Variants in CAMK2A observed in about 807,000 individuals in gnomAD.
CAMK2A encodes the protein calcium/calmodulin dependent protein kinase II alpha.
Under a neutral mutation model 79.2 loss-of-function variants are expected in CAMK2A, and 7 were observed. The observed-to-expected ratio is 0.09, with a 90% CI of 0.05 to 0.17. The LOEUF is 0.17. Among genes scored for constraint, CAMK2A ranks in the 10% least tolerant of loss-of-function variants. The pLI is 1.00. For missense variants in CAMK2A, 214 were observed against 646.4 expected (o/e 0.33, Z 7.25); for synonymous variants, 242 against 251.7 (o/e 0.96, Z 0.36).
At chr5:150,250,193 T>A (rs754793336) in intron 11 of CAMK2A, 33 bp downstream of exon 11, 1 of 1,528,548 alleles carries the variant, frequency 6.5e-7, no homozygotes, top group Non-Finnish European at 9.1e-7. Context: ...GCTAGTCCCA[T>A]GGCCAGGACT....
chr5:150,245,103 C>T, intron 13 of CAMK2A, 58 bp downstream of exon 13: 1 of 1,563,642 alleles, frequency 6.4e-7, no homozygotes, highest in Non-Finnish European at 8.8e-7. Flanking sequence ...GAAAGCCGGT[C>T]TCTGTTGGCA....
At chr5:150,231,255 C>G (rs1286750597) in intron 16 of CAMK2A, 50 bp downstream of exon 16, 1 of 1,128,218 alleles carries the variant, frequency 8.9e-7, no homozygotes, top group Non-Finnish European at 1.3e-6. Context: ...ATTGGTACCC[C>G]CTGAACAACA....
rs1208578074 is a variant in CAMK2A at position 150,238,753 on chromosome 5, C to A, written c.1018-5G>T. On this transcript the variant is annotated splice_region_variant and splice_polypyrimidine_tract_variant and intron_variant, in intron 14 of 18. Transcript: ENST00000671881. ...GTTGGTGCTCTCTGAGGATTCCTGC[C>A]AAAGAGAATACAGGAGATGGTGAGG... 5 of 1,602,870 alleles carry A rather than the reference C, an allele frequency of 3.1e-6. No individual in the cohort carries two copies. Among genetic ancestry groups the A allele is most frequent in the Non-Finnish European group, 4.3e-6 (5 of 1,173,914 alleles).
chr5:150,249,922 T>C (rs1755755373), intron 11 of CAMK2A, among the ~76,000 whole-genome samples: 1 of 152,166 alleles, frequency 6.6e-6, no homozygotes, highest in Non-Finnish European at 1.5e-5. Context: ...CGCCCCTGGC[T>C]CCAGACCCAG....
chr5:150,266,507 G>A (rs1756519753), intron 2 of CAMK2A, among the ~76,000 whole-genome samples: 1 of 152,132 alleles, frequency 6.6e-6, no homozygotes, highest in Non-Finnish European at 1.5e-5. Flanking sequence ...CTGTGCAGAG[G>A]GCTTTATATG....
chr5:150,279,883 G>A (rs1757139288), intron 1 of CAMK2A, among the ~76,000 whole-genome samples: 1 of 152,248 alleles, frequency 6.6e-6, no homozygotes, highest in Non-Finnish European at 1.5e-5. Context: ...CTGCCTGGCA[G>A]ACAAGGTGGC....
At chr5:150,275,724 G>C (rs1206641518) in intron 1 of CAMK2A, among the ~76,000 whole-genome samples, 3 of 152,332 alleles carry the variant, frequency 2.0e-5, no homozygotes, top group East Asian at 3.9e-4. Flanking sequence ...AGCTAGATGA[G>C]GAGGGGCACA....
In CAMK2A at chr5:150,261,337, T is replaced by G. The variant is rs148433335; in HGVS notation, c.217+3619A>C. 6.0e-3 allele frequency among the ~76,000 whole-genome samples: 909 copies of G among 152,188 alleles called. 8 individuals are homozygous for G. Among genetic ancestry groups the G allele is most frequent in the African/African-American group, 0.021 (857 of 41,522 alleles). ...GACAGGATTTCTTGTTTCAGGGCCG[T>G]TTTCACACACAAAGCCTCCCCTTCC... On this transcript the variant is annotated intron_variant, in intron 3 of 18. Transcript: ENST00000671881.
rs370768117 is a variant in CAMK2A, at chr5:150,289,091, G to A, written c.62+473C>T. Among the ~76,000 whole-genome samples, 29 of 152,314 alleles carry A rather than the reference G, an allele frequency of 1.9e-4. No individual in the cohort carries two copies. The East Asian group carries it at 3.7e-3, about 19-fold the overall frequency. ...TGGCCACTCTGTACAGTCACTGTGGGTGTCTAAAGTCAGGAAGAACTACCG... is the reference window on the plus strand; with the variant it reads ...TGGCCACTCTGTACAGTCACTGTGGATGTCTAAAGTCAGGAAGAACTACCG... On this transcript the variant is annotated intron_variant, in intron 1 of 18. Transcript: ENST00000671881.
At chr5:150,228,126 G>A (rs1029154818) in intron 17 of CAMK2A, 66 bp downstream of exon 17, 6 of 1,388,888 alleles carry the variant, frequency 4.3e-6, no homozygotes, top group Non-Finnish European at 6.0e-6. Context: ...TCACCCTGCT[G>A]TGCCATCCAG....
rs2241695 is a variant in CAMK2A at position 150,223,261 on chromosome 5, C to T, written c.1238-44G>A. 801,076 of 1,476,122 alleles carry T rather than the reference C, an allele frequency of 0.54. 222,905 individuals are homozygous for T. The highest frequency in any genetic ancestry group is 0.64 in the East Asian group (28,168 of 43,746). The allele number at this position is 1,476,122 out of a possible 1,614,324, so 91.4% of individuals were successfully genotyped here. On this transcript the variant is annotated intron_variant, in intron 17 of 18. Coordinates refer to ENST00000671881, the MANE Select transcript of CAMK2A (RefSeq NM_015981.4). This position sits in a 1 kb window ranked among gnomAD's most constrained non-coding sequence, Gnocchi z 4.1. ...GGGGCAGAGGAGATGCAACCGGGGG[C>T]CTCCTGTCTCACTTTCTTCACTTTC...
intron 15 of CAMK2A, among the ~76,000 whole-genome samples, chr5:150,235,801 CACTT>C (rs1755031992): frequency 6.6e-6 from 1 of 152,146 alleles, no homozygotes; most frequent in Admixed American, 6.5e-5. Flanking sequence ...CTGTTATTCT[CACTT>C]AGTAAGAAGA....
At position 150,221,810 on chromosome 5, in the gene CAMK2A, C is replaced by A. The variant is rs979617648; in HGVS notation, c.*900G>T. 5.1e-6 allele frequency: 2 copies of A among 392,652 alleles called. No homozygotes were observed. Among genetic ancestry groups the A allele is most frequent in the Non-Finnish European group, 9.0e-6 (2 of 223,200 alleles). The allele number at this position is 392,652 out of a possible 1,614,324, so 24.3% of individuals were successfully genotyped here. ...ACCCCTCACCCCTCTTCCTACACCC[C>A]TTCCAACCTGACCCTTCTCACAATA... On this transcript the variant is annotated 3_prime_UTR_variant, in exon 19 of 19. Coordinates refer to ENST00000671881, the MANE Select transcript of CAMK2A (RefSeq NM_015981.4).
chr5:150,262,448 C>A (rs1217242250), intron 3 of CAMK2A, among the ~76,000 whole-genome samples: 1 of 152,140 alleles, frequency 6.6e-6, no homozygotes, highest in Admixed American at 6.5e-5. Context: ...GACAGCAGCT[C>A]AAAGCTCCTC....
intron 2 of CAMK2A, among the ~76,000 whole-genome samples, chr5:150,269,846 A>G (rs1756663947): frequency 6.6e-6 from 1 of 152,188 alleles, no homozygotes; most frequent in Non-Finnish European, 1.5e-5. Context: ...TGGGAAGCAC[A>G]TGTCTTGCCG....
intron 16 of CAMK2A, among the ~76,000 whole-genome samples, chr5:150,230,195 G>A (rs972990117): frequency 6.6e-6 from 1 of 151,744 alleles, no homozygotes; most frequent in Admixed American, 6.6e-5. Context: ...GCGTGCACCT[G>A]TAATCCCAGC....
intron 1 of CAMK2A, among the ~76,000 whole-genome samples, chr5:150,283,272 C>T (rs1319321624): frequency 6.6e-6 from 1 of 152,222 alleles, no homozygotes; most frequent in Non-Finnish European, 1.5e-5. Context: ...ACATGCTCCA[C>T]TGAAATACAT....
chr5:150,277,754 C>G (rs997726198), intron 1 of CAMK2A, among the ~76,000 whole-genome samples: 3 of 152,170 alleles, frequency 2.0e-5, no homozygotes, highest in African/African-American at 7.2e-5. Flanking sequence ...AGCTGCTGAT[C>G]CAGAGGGTAC....
At chr5:150,253,712 C>T (rs1255629759) in intron 6 of CAMK2A, among the ~76,000 whole-genome samples, 166 bp from the exon 7 acceptor site, 1 of 152,216 alleles carries the variant, frequency 6.6e-6, no homozygotes, top group South Asian at 2.1e-4. Flanking sequence ...GAGTCTCAGT[C>T]CCCAGAGAGG....
Sources: allele counts gnomAD v4.1 joint callset (sites outside exome capture counted in the v4.1 genomes callset), GRCh38; gene constraint gnomAD v4.1.1; non-coding constraint Gnocchi (gnomAD v3.1); transcripts MANE v1.5; gene names NCBI Gene and HGNC (gene_info 2026-07-23, HGNC 2026-07-21).